The following GALNT13 variants were observed in gnomAD, a reference collection of about 807,000 sequenced individuals.
GALNT13 encodes the protein UDP-GalNAc:polypeptide N-acetylgalactosaminyltransferase 13.
In GALNT13, 28 loss-of-function variants were observed where a neutral mutation model predicts 64.2. The observed-to-expected ratio is 0.44, with a 90% CI of 0.32 to 0.60. The LOEUF is 0.60. Among genes scored for constraint, GALNT13 ranks in the 20% least tolerant of loss-of-function variants. The probability of loss-of-function intolerance (pLI) is 0.05; values close to 1 mark genes in which losing one functional copy is unlikely to be tolerated. For missense variants in GALNT13, 577 were observed against 669.8 expected, an observed-to-expected ratio of 0.86 and a Z score of 1.53; for synonymous variants, 214 against 224.6, an observed-to-expected ratio of 0.95 and a Z score of 0.42.
the GALNT13 span, among the ~76,000 whole-genome samples, chr2:153,776,748 T>G: frequency 6.6e-6 from 1 of 152,260 alleles, no homozygotes; most frequent in Non-Finnish European, 1.5e-5. Flanking sequence ...TGTGCAGCTC[T>G]GACATTTCAG....
At chr2:153,803,704 AAAAAG>A in the GALNT13 span, among the ~76,000 whole-genome samples, 2 of 150,224 alleles carry the variant, frequency 1.3e-5, no homozygotes, top group South Asian at 2.1e-4. Context: ...AAAAAAAAAA[AAAAAG>A]AAAAAGAAAA....
the GALNT13 span, among the ~76,000 whole-genome samples, chr2:153,810,837 G>A: frequency 6.6e-6 from 1 of 152,154 alleles, no homozygotes; most frequent in Non-Finnish European, 1.5e-5. Flanking sequence ...ACACCTATTT[G>A]TCAAATTTAA....
the GALNT13 span, among the ~76,000 whole-genome samples, chr2:153,330,095 G>A: frequency 6.6e-6 from 1 of 152,168 alleles, no homozygotes; most frequent in Non-Finnish European, 1.5e-5. Flanking sequence ...TAGGTGTGAA[G>A]CTTTAATTCT....
intron 9 of GALNT13, among the ~76,000 whole-genome samples, chr2:154,344,958 G>T (rs1251224229): frequency 6.6e-6 from 1 of 151,826 alleles, no homozygotes; most frequent in African/African-American, 2.4e-5. Flanking sequence ...TAAAAATAGG[G>T]TCAAAAATAT....
At chr2:153,490,102 T>C in the GALNT13 span, among the ~76,000 whole-genome samples, 1 of 152,196 alleles carries the variant, frequency 6.6e-6, no homozygotes, top group Non-Finnish European at 1.5e-5. Context: ...TGTTTCTTAT[T>C]CTGTCCAGAA....
the GALNT13 span, among the ~76,000 whole-genome samples, chr2:153,293,084 C>A: frequency 6.6e-6 from 1 of 151,846 alleles, no homozygotes; most frequent in African/African-American, 2.4e-5. Flanking sequence ...TTCATCCAGG[C>A]ATTTTTTTAC....
the GALNT13 span, among the ~76,000 whole-genome samples, chr2:153,134,513 A>G: frequency 6.6e-6 from 1 of 152,190 alleles, no homozygotes; most frequent in Non-Finnish European, 1.5e-5. Context: ...ATAACACGCT[A>G]CACAATTCTC....
the GALNT13 span, among the ~76,000 whole-genome samples, chr2:153,221,188 C>G: frequency 6.6e-6 from 1 of 152,016 alleles, no homozygotes; most frequent in African/African-American, 2.4e-5. Flanking sequence ...TAAAAAACAC[C>G]CAAATCTGCT....
At chr2:153,816,527 A>G in the GALNT13 span, among the ~76,000 whole-genome samples, 2 of 152,238 alleles carry the variant, frequency 1.3e-5, no homozygotes, top group African/African-American at 2.4e-5. Flanking sequence ...AGCTGCTGCC[A>G]CATTTAGAAA....
At chr2:153,358,352 A>G in the GALNT13 span, among the ~76,000 whole-genome samples, 1 of 152,206 alleles carries the variant, frequency 6.6e-6, no homozygotes, top group East Asian at 1.9e-4. Context: ...GCAGAAGGTA[A>G]TGTAGAACCA....
chr2:153,737,938 A>G, the GALNT13 span, among the ~76,000 whole-genome samples: 1 of 152,080 alleles, frequency 6.6e-6, no homozygotes, highest in Non-Finnish European at 1.5e-5. Flanking sequence ...TATTTAACAA[A>G]TATACCAAAC....
chr2:154,167,646 T>C (rs1250965957), intron 4 of GALNT13, among the ~76,000 whole-genome samples: 2 of 152,170 alleles, frequency 1.3e-5, no homozygotes, highest in East Asian at 3.9e-4. Context: ...GGGAGGGCAA[T>C]GGTCAGTGTG....
At chr2:154,020,864 A>G (rs1224435516) in intron 3 of GALNT13, among the ~76,000 whole-genome samples, 3 of 151,916 alleles carry the variant, frequency 2.0e-5, no homozygotes, top group Non-Finnish European at 4.4e-5. Flanking sequence ...ATCCATCTTG[A>G]ATTAATTTTT....
At chr2:153,476,322 T>G in the GALNT13 span, among the ~76,000 whole-genome samples, 3 of 152,220 alleles carry the variant, frequency 2.0e-5, no homozygotes, top group African/African-American at 7.2e-5. Flanking sequence ...ACTTTATTAT[T>G]ATTTGATTTT....
intron 2 of GALNT13, among the ~76,000 whole-genome samples, chr2:153,918,798 G>C (rs557865796): frequency 6.6e-6 from 1 of 152,120 alleles, no homozygotes; most frequent in South Asian, 2.1e-4. Flanking sequence ...AACCAAAAAT[G>C]CATTTGTGCA....
At chr2:153,817,326 A>G in the GALNT13 span, among the ~76,000 whole-genome samples, 2 of 152,188 alleles carry the variant, frequency 1.3e-5, no homozygotes, top group Non-Finnish European at 2.9e-5. Flanking sequence ...GCCTATCTGC[A>G]TACTTTCTCA....
the GALNT13 span, among the ~76,000 whole-genome samples, chr2:153,581,163 T>G: frequency 0.022 from 3,288 of 152,182 alleles, 127 homozygotes; most frequent in African/African-American, 0.075. Flanking sequence ...AGTTGCCCTG[T>G]AAGTGATTAT....
intron 9 of GALNT13, among the ~76,000 whole-genome samples, chr2:154,369,393 A>C (rs1697554830): frequency 6.6e-6 from 1 of 152,166 alleles, no homozygotes; most frequent in South Asian, 2.1e-4. Flanking sequence ...TTAAGAAATG[A>C]ATGTACAATA....
At chr2:153,669,600 C>T in the GALNT13 span, among the ~76,000 whole-genome samples, 1 of 152,144 alleles carries the variant, frequency 6.6e-6, no homozygotes, top group African/African-American at 2.4e-5. Flanking sequence ...TCTACAGCTC[C>T]CAGTGAGATT....
Sources: allele counts gnomAD v4.1 joint callset (sites outside exome capture counted in the v4.1 genomes callset), GRCh38; gene constraint gnomAD v4.1.1; transcripts MANE v1.5; gene names NCBI Gene and HGNC (gene_info 2026-07-23, HGNC 2026-07-21).